The following NUP133 variants were observed in gnomAD, a reference collection of about 807,000 sequenced individuals.
NUP133 encodes nucleoporin 133.
Under a neutral mutation model 146.2 loss-of-function variants are expected in NUP133, and 66 were observed. The ratio of observed to expected loss-of-function variants is 0.45; its 90% CI spans 0.37 to 0.55. The LOEUF (loss-of-function observed/expected upper bound fraction) is 0.55, where lower values mean the gene tolerates loss of function less well. Ranked by LOEUF, NUP133 falls within the 20% of genes least tolerant of loss-of-function variation. The pLI, the probability that NUP133 is intolerant of heterozygous loss-of-function variation, is 0.00. For synonymous variants in NUP133, 521 were observed against 498.8 expected, an observed-to-expected ratio of 1.04 and a Z score of -0.59; for missense variants, 1,277 against 1,374.8, an observed-to-expected ratio of 0.93 and a Z score of 1.12.
intron 12 of NUP133, among the ~76,000 whole-genome samples, chr1:229,479,899 T>TAAC (rs1233555239): frequency 6.6e-6 from 1 of 152,152 alleles, no homozygotes; most frequent in Admixed American, 6.5e-5. Context: ...GATAAGGTGG[T>TAAC]AACTCAAAGG....
chr1:229,504,486 T>C (rs1413758879), intron 2 of NUP133, among the ~76,000 whole-genome samples: 1 of 152,234 alleles, frequency 6.6e-6, no homozygotes, highest in African/African-American at 2.4e-5. Flanking sequence ...CTTGTGTTGA[T>C]TGTATCTGTC....
At chr1:229,466,514 TA>T in intron 16 of NUP133, 119 bp downstream of exon 16, 2 of 1,033,450 alleles carry the variant, frequency 1.9e-6, no homozygotes, top group Non-Finnish European at 1.4e-6. Flanking sequence ...TTTTTGGGAT[TA>T]ACAAATGTCT....
intron 13 of NUP133, 106 bp from the exon 14 acceptor site, chr1:229,475,838 GGTGGCTCACA>G: frequency 1.1e-6 from 1 of 878,702 alleles, no homozygotes; most frequent in Non-Finnish European, 1.8e-6. Flanking sequence ...GGCTAGGCAC[GGTGGCTCACA>G]CCTGTAATCC....
At chr1:229,446,754 A>C (rs1660311571) in intron 24 of NUP133, among the ~76,000 whole-genome samples, 1 of 150,454 alleles carries the variant, frequency 6.6e-6, no homozygotes, top group Admixed American at 6.6e-5. Flanking sequence ...TTTTTTTTTA[A>C]TAAAAAATAA....
chr1:229,490,250 C>A, intron 8 of NUP133, 148 bp from the exon 9 acceptor site: 1 of 650,286 alleles, frequency 1.5e-6, no homozygotes, highest in East Asian at 3.0e-5. Flanking sequence ...AACAGAAAAC[C>A]AATAACTGTG....
rs746913972 is a variant in NUP133, at chr1:229,489,993, C to G, written c.1156G>C (p.Val386Leu). ...EDNGCQMSDAVTVEVTQYNPP... is the reference protein window; with the variant it reads ...EDNGCQMSDALTVEVTQYNPP... Reference sequence around the variant, plus strand: ...TTATATTGAGTGACTTCTACAGTAACTGCATCTGACATTTGGCAACCATTA... The same window carrying G: ...TTATATTGAGTGACTTCTACAGTAAGTGCATCTGACATTTGGCAACCATTA... Residue 386 changes from valine (V) to leucine (L), a missense_variant, in exon 9 of 26, where the codon GTT (valine) becomes CTT (leucine). Around this residue, in one of 3 missense-constraint regions of NUP133, gnomAD observed 952 missense variants for 1,047.0 expected, o/e 0.91. Coordinates refer to ENST00000261396, the MANE Select transcript of NUP133 (RefSeq NM_018230.3). 6.2e-7 allele frequency: 1 copy of G among 1,609,560 alleles called. No homozygotes were observed. Among genetic ancestry groups the G allele is most frequent in the East Asian group, 2.2e-5 (1 of 44,768 alleles).
intron 14 of NUP133, among the ~76,000 whole-genome samples, chr1:229,472,399 A>C (rs1166613973): frequency 6.6e-6 from 1 of 151,218 alleles, no homozygotes; most frequent in Non-Finnish European, 1.5e-5. Context: ...CTTTGATTGC[A>C]GCACTGACAG....
intron 14 of NUP133, among the ~76,000 whole-genome samples, chr1:229,471,370 G>C (rs988476506): frequency 3.9e-5 from 6 of 152,126 alleles, no homozygotes; most frequent in African/African-American, 1.4e-4. Context: ...TACTGACTCG[G>C]CCTCTCAAAG....
chr1:229,458,360 A>C (rs1660615051), intron 20 of NUP133, 64 bp from the exon 21 acceptor site: 1 of 1,541,198 alleles, frequency 6.5e-7, no homozygotes, highest in East Asian at 2.3e-5. Flanking sequence ...AACAAAGGTA[A>C]GTAAACCCCA....
chr1:229,484,052 A>G lies in NUP133; in HGVS notation c.1592+2T>C. 1 of 1,590,548 alleles carries G rather than the reference A, an allele frequency of 6.3e-7. No individual in the cohort carries two copies. Among genetic ancestry groups the G allele is most frequent in the Non-Finnish European group, 8.6e-7 (1 of 1,159,616 alleles). ...ATCCATAATTTAAAAAACATGTTAT[A>G]CCTGCAGTATTGCAGAAAGGCAGCT... On this transcript the variant is annotated splice_donor_variant, in intron 12 of 25. Coordinates refer to ENST00000261396, the MANE Select transcript of NUP133 (RefSeq NM_018230.3). LOFTEE classifies it high-confidence loss of function.
At position 229,452,579 on chromosome 1, in the gene NUP133, C is replaced by G. The variant is rs374502193; in HGVS notation, c.3045G>C (p.Glu1015Asp). 1.5e-5 allele frequency: 24 copies of G among 1,613,906 alleles called. No homozygotes were observed. In the African/African-American group the frequency reaches 2.4e-4, roughly 16 times the overall value. ...QETLPEQLLA[E>D]KQLNLSAMPV... ...GCATCGCACTGAGATTTAGCTGTTT[C>G]TCCGCCAGCAGCTGTTCAGGTAGGG... Residue 1015 changes from glutamate to aspartate, a missense_variant, in exon 22 of 26, where the codon GAG becomes GAC. By Grantham distance (45) the Glu-to-Asp change is conservative. Transcript: ENST00000261396.
intron 2 of NUP133, among the ~76,000 whole-genome samples, chr1:229,505,591 A>AAC: frequency 6.7e-6 from 1 of 150,120 alleles, no homozygotes; most frequent in Admixed American, 6.6e-5. Context: ...AAAAAAAAAA[A>AAC]AACTAAGACA....
chr1:229,490,130 G>C, intron 8 of NUP133, 28 bp from the exon 9 acceptor site: 1 of 1,480,078 alleles, frequency 6.8e-7, no homozygotes, highest in Non-Finnish European at 9.0e-7. Flanking sequence ...AAGATGTAAA[G>C]CCTCTCTAAA....
intron 15 of NUP133, among the ~76,000 whole-genome samples, chr1:229,467,968 A>G (rs1345051499): frequency 6.6e-6 from 1 of 152,144 alleles, no homozygotes; most frequent in African/African-American, 2.4e-5. Context: ...AAAGACAGAA[A>G]ATAACATAAA....
chr1:229,506,660 A>C (rs1661946557), intron 1 of NUP133, among the ~76,000 whole-genome samples: 1 of 151,892 alleles, frequency 6.6e-6, no homozygotes, highest in Admixed American at 6.6e-5. Context: ...TAATCTCAGC[A>C]CTTTGGGAGG....
intron 11 of NUP133, among the ~76,000 whole-genome samples, chr1:229,484,359 T>C (rs1276218767): frequency 1.3e-5 from 2 of 151,918 alleles, no homozygotes; most frequent in African/African-American, 4.8e-5. Context: ...ACATTAATGA[T>C]AGCTGATGAG....
At chr1:229,491,538 G>A (rs1048919000) in intron 8 of NUP133, among the ~76,000 whole-genome samples, 1 of 152,198 alleles carries the variant, frequency 6.6e-6, no homozygotes, top group Non-Finnish European at 1.5e-5. Flanking sequence ...CAGCACTTTG[G>A]GAGGCCGAGG....
chr1:229,461,377 C>G (rs894646181), intron 19 of NUP133, among the ~76,000 whole-genome samples: 4 of 152,186 alleles, frequency 2.6e-5, no homozygotes, highest in African/African-American at 9.7e-5. Context: ...TCTACAGTCT[C>G]ACAGTGTTTA....
Position 229,444,950 on chromosome 1 carries a change from TA to T in NUP133, c.3297del (p.Ser1099ArgfsTer4). 1 of 1,612,306 alleles carries T rather than the reference TA, an allele frequency of 6.2e-7. No individual in the cohort carries two copies. Among genetic ancestry groups the T allele is most frequent in the Non-Finnish European group, 8.5e-7 (1 of 1,178,888 alleles). ...KDDPIEVSKDSIFVKILQKLL... is the reference protein window; with the variant it reads ...KDDPIEVSKDXIFVKILQKLL... ...AGTTTCTGTAAGATCTTCACAAATA[TA>T]CTGTCTTTAGATACTTCAATTGGAT... On this transcript the variant is annotated frameshift_variant, in exon 25 of 26. Coordinates refer to ENST00000261396, the MANE Select transcript of NUP133 (RefSeq NM_018230.3). LOFTEE classifies it high-confidence loss of function.
Sources: allele counts gnomAD v4.1 joint callset (sites outside exome capture counted in the v4.1 genomes callset), GRCh38; gene constraint gnomAD v4.1.1; regional missense constraint gnomAD v4.1.1; transcripts MANE v1.5; gene names NCBI Gene and HGNC (gene_info 2026-07-23, HGNC 2026-07-21).